Variants in MYO1E observed in about 807,000 individuals in gnomAD.
The protein encoded by MYO1E is myosin IE.
A neutral mutation model predicts 151.1 loss-of-function variants in MYO1E; 68 were observed. The ratio of observed to expected loss-of-function variants is 0.45; its 90% CI spans 0.37 to 0.55. The LOEUF (loss-of-function observed/expected upper bound fraction) is 0.55. MYO1E is among the 20% of genes least tolerant of loss of function. The pLI is 0.00. For missense variants in MYO1E, 1,363 were observed against 1,389.3 expected, an observed-to-expected ratio of 0.98 and a Z score of 0.30; for synonymous variants, 601 against 501.7, an observed-to-expected ratio of 1.20 and a Z score of -2.64.
chr15:59,275,084 G>A (rs973072792), intron 1 of MYO1E, among the ~76,000 whole-genome samples: 1 of 152,164 alleles, frequency 6.6e-6, no homozygotes, highest in South Asian at 2.1e-4. Context: ...GAGATCTCCC[G>A]ACTAGTAAGT....
intron 2 of MYO1E, among the ~76,000 whole-genome samples, chr15:59,269,790 T>C (rs1016960090): frequency 6.6e-6 from 1 of 152,006 alleles, no homozygotes; most frequent in African/African-American, 2.4e-5. Flanking sequence ...GAGGCGAAGG[T>C]TGCAGTGAGC....
At chr15:59,183,296 T>C (rs1349947947) in intron 18 of MYO1E, among the ~76,000 whole-genome samples, 1 of 151,994 alleles carries the variant, frequency 6.6e-6, no homozygotes, top group African/African-American at 2.4e-5. Context: ...AGAACTGGTT[T>C]CTCAAAAAAC....
intron 1 of MYO1E, among the ~76,000 whole-genome samples, chr15:59,311,951 G>A (rs1325287422): frequency 6.6e-6 from 1 of 152,134 alleles, no homozygotes. Context: ...CTCACTAGAT[G>A]CAGCCCCTCG....
intron 27 of MYO1E, 36 bp from the exon 28 acceptor site, chr15:59,137,492 G>T: frequency 6.3e-7 from 1 of 1,582,462 alleles, no homozygotes; most frequent in Non-Finnish European, 8.7e-7. Context: ...GTGAAGATGA[G>T]AAAGTCTGTT....
At chr15:59,361,547 T>C (rs1275594567) in intron 1 of MYO1E, among the ~76,000 whole-genome samples, 6 of 152,198 alleles carry the variant, frequency 3.9e-5, no homozygotes, top group African/African-American at 1.4e-4. Context: ...GGAATGCTAC[T>C]GTATGGGCTT....
At chr15:59,247,120 T>C (rs1255835766) in intron 4 of MYO1E, among the ~76,000 whole-genome samples, 1 of 152,138 alleles carries the variant, frequency 6.6e-6, no homozygotes, top group Non-Finnish European at 1.5e-5. Context: ...CGCTTGAGCC[T>C]GAGAGGCGGA....
rs80350714 is a variant in MYO1E, at chr15:59,196,670, T to C, written c.1699-1103A>G. On this transcript the variant is annotated intron_variant, in intron 16 of 27. Coordinates refer to ENST00000288235, the MANE Select transcript of MYO1E (RefSeq NM_004998.4). ...GAGTATATTCAAAGCAAGATATTCA[T>C]TGGTGAATTAAGTTCTCTGTTTAGA... is the stretch of plus-strand genomic sequence containing the variant. Among the ~76,000 whole-genome samples the C allele has an allele frequency of 6.6e-5, 10 of 152,302 alleles. 1 individual carries two copies. The East Asian group carries it at 1.2e-3, about 18-fold the overall frequency.
intron 3 of MYO1E, among the ~76,000 whole-genome samples, chr15:59,261,052 A>G (rs2080221681): frequency 6.6e-6 from 1 of 152,068 alleles, no homozygotes; most frequent in African/African-American, 2.4e-5. Flanking sequence ...CGTCTCTACT[A>G]AAAATACAAA....
chr15:59,340,126 G>C (rs1271328054), intron 1 of MYO1E, among the ~76,000 whole-genome samples: 1 of 152,112 alleles, frequency 6.6e-6, no homozygotes, highest in Non-Finnish European at 1.5e-5. Flanking sequence ...AAAGTGCTGG[G>C]ATTACAGGCA....
rs759989082 is a variant in MYO1E, at chr15:59,207,777, C to T, written c.1530+904G>A. The T allele has an allele frequency of 4.3e-6, 7 of 1,614,092 alleles. No homozygotes were observed. In the Admixed American group the frequency reaches 1.0e-4, roughly 23 times the overall value. ...AAGATCCTGAGCAATGGAAAAATGT[C>T]CACAAAGAAGTGACTGCAACTGCCT... On this transcript the variant is annotated intron_variant, in intron 14 of 27. Transcript: ENST00000288235.
chr15:59,201,484 A>G (rs2079801899), intron 16 of MYO1E, among the ~76,000 whole-genome samples: 1 of 150,150 alleles, frequency 6.7e-6, no homozygotes, highest in South Asian at 2.1e-4. Flanking sequence ...GGCTCACTGC[A>G]ACCTCTGCCT....
chr15:59,166,565 A>T (rs1273498695), intron 22 of MYO1E, among the ~76,000 whole-genome samples: 4 of 149,312 alleles, frequency 2.7e-5, no homozygotes, highest in Admixed American at 1.3e-4. Context: ...TTTTTTTTTT[A>T]AAGCTGAAAA....
At chr15:59,303,268 C>T (rs1032536633) in intron 1 of MYO1E, among the ~76,000 whole-genome samples, 1 of 152,026 alleles carries the variant, frequency 6.6e-6, no homozygotes, top group African/African-American at 2.4e-5. Flanking sequence ...AAAAATTGGC[C>T]GGGTGTGGTG....
intron 5 of MYO1E, among the ~76,000 whole-genome samples, chr15:59,236,381 C>CTGT (rs2080065476): frequency 1.1e-5 from 1 of 87,202 alleles, no homozygotes. Flanking sequence ...CACACACACA[C>CTGT]ACACACACAC....
chr15:59,276,359 C>T (rs1244087585), intron 1 of MYO1E, among the ~76,000 whole-genome samples: 1 of 152,186 alleles, frequency 6.6e-6, no homozygotes, highest in Non-Finnish European at 1.5e-5. Context: ...GGTGGATACT[C>T]AGCAAGGTAT....
intron 4 of MYO1E, among the ~76,000 whole-genome samples, chr15:59,242,193 T>C: frequency 6.6e-6 from 1 of 152,246 alleles, no homozygotes; most frequent in East Asian, 1.9e-4. Context: ...TATTATTTAC[T>C]TAGTTTTCAA....
At chr15:59,314,430 T>C (rs2080573054) in intron 1 of MYO1E, among the ~76,000 whole-genome samples, 1 of 152,220 alleles carries the variant, frequency 6.6e-6, no homozygotes, top group South Asian at 2.1e-4. Context: ...GGGATACCTA[T>C]TGAGTTGCCT....
chr15:59,196,982 A>C (rs1175172017), intron 16 of MYO1E, among the ~76,000 whole-genome samples: 2 of 84,014 alleles, frequency 2.4e-5, no homozygotes, highest in East Asian at 7.0e-4. Context: ...GTATTTAATT[A>C]CGACTTTTTT....
intron 24 of MYO1E, among the ~76,000 whole-genome samples, chr15:59,158,672 T>G (rs1192698830): frequency 2.0e-5 from 3 of 152,202 alleles, no homozygotes; most frequent in Non-Finnish European, 4.4e-5. Flanking sequence ...TTACAGACTT[T>G]TAAAAGAGAC....
Sources: allele counts gnomAD v4.1 joint callset (sites outside exome capture counted in the v4.1 genomes callset), GRCh38; gene constraint gnomAD v4.1.1; transcripts MANE v1.5; gene names NCBI Gene and HGNC (gene_info 2026-07-23, HGNC 2026-07-21).